Variants in TIAM1 observed in about 807,000 individuals in gnomAD.
The protein encoded by TIAM1 is TIAM Rac1 associated GEF 1.
In TIAM1, 65 loss-of-function variants were observed where a neutral mutation model predicts 163.5. The observed-to-expected ratio is 0.40, with a 90% CI of 0.33 to 0.49. The LOEUF (loss-of-function observed/expected upper bound fraction) is 0.49, where lower values mean the gene tolerates loss of function less well. TIAM1 is among the 20% of genes least tolerant of loss of function. The pLI is 0.77. For synonymous variants in TIAM1, 833 were observed against 810.1 expected, an observed-to-expected ratio of 1.03 and a Z score of -0.48; for missense variants, 1,789 against 2,044.7, an observed-to-expected ratio of 0.87 and a Z score of 2.41.
At chr21:31,323,689 G>C (rs771904585) in intron 2 of TIAM1, among the ~76,000 whole-genome samples, 3 of 151,976 alleles carry the variant, frequency 2.0e-5, no homozygotes, top group Admixed American at 6.6e-5. Flanking sequence ...AAATTAGCTG[G>C]GTATGGTGGT....
chr21:31,210,790 G>GAAAGAA (rs1569034719), intron 10 of TIAM1, among the ~76,000 whole-genome samples: 4 of 147,800 alleles, frequency 2.7e-5, no homozygotes. Context: ...AAGAAAGAAA[G>GAAAGAA]AAAGAAAGAA....
At chr21:31,192,948 A>G (rs768993687) in intron 13 of TIAM1, among the ~76,000 whole-genome samples, 34 of 152,112 alleles carry the variant, frequency 2.2e-4, no homozygotes, top group Non-Finnish European at 4.4e-4. Context: ...TGTGAGAAAT[A>G]AATGTCACTG....
At chr21:31,304,819 A>G (rs1281118597) in intron 2 of TIAM1, among the ~76,000 whole-genome samples, 2 of 152,244 alleles carry the variant, frequency 1.3e-5, no homozygotes, top group East Asian at 3.9e-4. Flanking sequence ...CAGCCTCCCA[A>G]GTAGCTGGGA....
chr21:31,341,642 T>A (rs547967536), intron 1 of TIAM1, among the ~76,000 whole-genome samples: 7 of 152,284 alleles, frequency 4.6e-5, no homozygotes, highest in African/African-American at 1.7e-4. Context: ...CTTGGAACAA[T>A]TTGGTCCACT....
chr21:31,124,845 T>C, intron 26 of TIAM1, 151 bp from the exon 27 acceptor site: 1 of 600,832 alleles, frequency 1.7e-6, no homozygotes, highest in Non-Finnish European at 2.7e-6. Flanking sequence ...AGCGGTGATT[T>C]CACGCCAGTG....
rs200120014 is a variant in TIAM1, at chr21:31,266,640, G to T, written c.333C>A (p.Ser111Arg). 1.0e-4 allele frequency: 169 copies of T among 1,614,222 alleles called. No homozygotes were observed. Among genetic ancestry groups the T allele is most frequent in the Admixed American group, 4.2e-4 (25 of 60,026 alleles). The change falls in exon 4 of 28, where the codon AGC (serine) becomes AGA (arginine). Residue 111 changes from serine (S) to arginine (R), a missense_variant. This residue lies in a region of TIAM1 where 555 missense variants were observed against 564.9 expected (regional missense o/e 0.98). Transcript: ENST00000541036. ...CTGTGAGGACGATGCTGCTGTCTAC[G>T]CTGGGAGTGACAGAAGAGTCAGTGT... is the stretch of plus-strand genomic sequence containing the variant. Reference protein sequence around the residue: ...VSYTDSSVTPSVDSSIVLTAA... With the variant: ...VSYTDSSVTPRVDSSIVLTAA...
At chr21:31,192,289 GAA>G (rs1415537890) in intron 13 of TIAM1, among the ~76,000 whole-genome samples, 1 of 152,142 alleles carries the variant, frequency 6.6e-6, no homozygotes, top group Admixed American at 6.6e-5. Context: ...CCAGTGCTCA[GAA>G]AAGAGTTTTA....
intron 6 of TIAM1, among the ~76,000 whole-genome samples, chr21:31,226,846 T>C (rs1474812540): frequency 6.6e-6 from 1 of 152,090 alleles, no homozygotes; most frequent in Non-Finnish European, 1.5e-5. Flanking sequence ...AAGGAGCTAC[T>C]AACATTATTT....
rs112958485 is a variant in TIAM1, at chr21:31,519,867, T to C, written c.-422+39060A>G. On this transcript the variant is annotated intron_variant, in intron 1 of 28. Coordinates refer to the TIAM1 transcript ENST00000286827. ...CAGTCGAATACATAGAGATAGAAAG[T>C]AGAATGGCGGTGCCAGGGCCTGGAG... Among the ~76,000 whole-genome samples, 257 of 152,126 alleles carry C rather than the reference T, an allele frequency of 1.7e-3. 1 individual carries two copies. The highest frequency in any genetic ancestry group is 6.8e-3 in the Middle Eastern group (2 of 294).
At chr21:31,264,301 G>A (rs1008652586) in intron 4 of TIAM1, among the ~76,000 whole-genome samples, 2 of 152,028 alleles carry the variant, frequency 1.3e-5, no homozygotes, top group Non-Finnish European at 2.9e-5. Flanking sequence ...GGAGTCCCCA[G>A]TGTCTACTGT....
intron 8 of TIAM1, among the ~76,000 whole-genome samples, chr21:31,218,633 T>C (rs2087352832): frequency 6.6e-6 from 1 of 151,844 alleles, no homozygotes; most frequent in East Asian, 1.9e-4. Flanking sequence ...GAGTCCAAGA[T>C]GACTTATTTT....
intron 2 of TIAM1, among the ~76,000 whole-genome samples, chr21:31,397,573 C>A (rs1259189725): frequency 6.6e-6 from 1 of 152,126 alleles, no homozygotes; most frequent in Non-Finnish European, 1.5e-5. Context: ...GCCCAATATC[C>A]CCGCGCCAGA....
chr21:31,401,983 T>C (rs1280904064), intron 2 of TIAM1, among the ~76,000 whole-genome samples: 2 of 151,180 alleles, frequency 1.3e-5, no homozygotes, highest in Non-Finnish European at 2.9e-5. Context: ...GGGAGGCCGA[T>C]GCGGGTGGAT....
intron 2 of TIAM1, among the ~76,000 whole-genome samples, chr21:31,399,475 A>C (rs916365403): frequency 6.6e-6 from 1 of 152,222 alleles, no homozygotes; most frequent in African/African-American, 2.4e-5. Flanking sequence ...TTGCTTCTTC[A>C]GGCTGACAGA....
At chr21:31,356,503 G>T (rs191317923) in intron 2 of TIAM1, among the ~76,000 whole-genome samples, 1 of 152,240 alleles carries the variant, frequency 6.6e-6, no homozygotes, top group African/African-American at 2.4e-5. Flanking sequence ...GGGGGCCTTT[G>T]GGAGAGGATT....
chr21:31,524,850 A>G (rs1029244923), intron 1 of TIAM1, among the ~76,000 whole-genome samples: 1 of 152,180 alleles, frequency 6.6e-6, no homozygotes, highest in Admixed American at 6.5e-5. Flanking sequence ...AGGGAGGCAG[A>G]CACATCCTTG....
At chr21:31,274,591 C>A (rs755149895) in intron 3 of TIAM1, among the ~76,000 whole-genome samples, 29 of 152,296 alleles carry the variant, frequency 1.9e-4, no homozygotes, top group Non-Finnish European at 3.7e-4. Flanking sequence ...TGCCTCACCC[C>A]CTAGCTGAAG....
chr21:31,519,336 C>T lies in TIAM1; in HGVS notation c.-422+39591G>A, dbSNP rs1418416460. The stretch of plus-strand genomic sequence containing the variant: ...AAAAAAAAAAAAAAAAAAGAAACCT[C>T]GCCTCTACTAAAAATACAAAATATT... On this transcript the variant is annotated intron_variant, in intron 1 of 28. Transcript: ENST00000286827. 3.6e-5 allele frequency among the ~76,000 whole-genome samples: 5 copies of T among 140,580 alleles called. No homozygotes were observed. In the East Asian group the frequency reaches 1.0e-3, roughly 29 times the overall value. The allele number at this position is 140,580 out of a possible 152,430, so 92.2% of individuals were successfully genotyped here.
At chr21:31,235,571 T>C (rs1330621951) in intron 6 of TIAM1, among the ~76,000 whole-genome samples, 1 of 152,132 alleles carries the variant, frequency 6.6e-6, no homozygotes, top group Non-Finnish European at 1.5e-5. Flanking sequence ...AACAAAAACA[T>C]CAGCTAAAGT....
Sources: gnomAD v4.1 joint callset for allele counts (sites outside exome capture counted in the v4.1 genomes callset) on GRCh38, gnomAD v4.1.1 for gene constraint, gnomAD v4.1.1 regional missense constraint, MANE v1.5 for transcripts, NCBI Gene and HGNC (gene_info 2026-07-23, HGNC 2026-07-21) for gene names.